DISC1: variants seen among roughly 807,000 people sequenced by gnomAD.
DISC1 encodes the protein disrupted in schizophrenia 1 protein.
Under a neutral mutation model 84.5 loss-of-function variants are expected in DISC1, and 57 were observed. The ratio of observed to expected loss-of-function variants is 0.67; its 90% CI spans 0.55 to 0.84. The LOEUF is 0.84. Among genes scored for constraint, DISC1 ranks in the 40% least tolerant of loss-of-function variants. The probability of loss-of-function intolerance (pLI) is 0.00; values close to 1 mark genes in which losing one functional copy is unlikely to be tolerated. For synonymous variants in DISC1, 411 were observed against 415.2 expected (o/e 0.99, Z 0.12); for missense variants, 1,000 against 1,057.8 (o/e 0.95, Z 0.76).
At chr1:231,684,604 G>A (rs897704861) in intron 1 of DISC1, 7 of 152,082 alleles carry the variant, frequency 4.6e-5, no homozygotes, top group African/African-American at 7.2e-5. Context: ...TCCCTGTTAA[G>A]ACTGGTTTAT....
chr1:231,878,818 G>T (rs2086074739), intron 9 of DISC1, among the ~76,000 whole-genome samples: 1 of 152,112 alleles, frequency 6.6e-6, no homozygotes, highest in Non-Finnish European at 1.5e-5. Context: ...ACCCTATCCT[G>T]ACTGGTAACA....
intron 1 of DISC1, among the ~76,000 whole-genome samples, chr1:231,674,147 T>C (rs929778027): frequency 1.1e-4 from 16 of 152,346 alleles, no homozygotes; most frequent in African/African-American, 3.8e-4. Flanking sequence ...ACATAAAATA[T>C]GTTAAGAGCT....
At chr1:231,819,204 CAAATG>C in intron 9 of DISC1, 2 of 848,036 alleles carry the variant, frequency 2.4e-6, no homozygotes, top group South Asian at 1.1e-4. Flanking sequence ...TTTACTAAAA[CAAATG>C]AAAGAAATAT....
chr1:231,866,926 T>C (rs2085105370), intron 9 of DISC1, among the ~76,000 whole-genome samples: 2 of 152,206 alleles, frequency 1.3e-5, no homozygotes, highest in African/African-American at 4.8e-5. Context: ...TGGGACAAAC[T>C]TCAAAAGAAA....
intron 11 of DISC1, among the ~76,000 whole-genome samples, chr1:232,018,118 TA>T (rs1668646156): frequency 6.6e-6 from 1 of 152,212 alleles, no homozygotes; most frequent in South Asian, 2.1e-4. Flanking sequence ...CAATTTAACT[TA>T]AACAGTTTCC....
intron 6 of DISC1, among the ~76,000 whole-genome samples, chr1:231,793,811 A>G (rs1404836843): frequency 1.3e-5 from 2 of 152,212 alleles, no homozygotes; most frequent in African/African-American, 4.8e-5. Flanking sequence ...ATATTTCTTT[A>G]AAAATATTTT....
intron 4 of DISC1, among the ~76,000 whole-genome samples, chr1:231,752,461 G>A (rs1214229709): frequency 6.6e-6 from 1 of 152,112 alleles, no homozygotes; most frequent in African/African-American, 2.4e-5. Flanking sequence ...CATGAGAATA[G>A]CACCAGAGGA....
At chr1:231,670,445 A>G (rs1000813424) in intron 1 of DISC1, among the ~76,000 whole-genome samples, 1 of 152,240 alleles carries the variant, frequency 6.6e-6, no homozygotes. Flanking sequence ...AAAGTCTGTG[A>G]GAGTGCCTTT....
At chr1:231,780,237 T>TAAAAA (rs11451092) in intron 6 of DISC1, among the ~76,000 whole-genome samples, 5 of 103,848 alleles carry the variant, frequency 4.8e-5, no homozygotes, top group Non-Finnish European at 8.9e-5. Flanking sequence ...TAAAGTATAA[T>TAAAAA]AAAAAAAAAA....
At chr1:231,799,517 C>T (rs556576302) in intron 7 of DISC1, among the ~76,000 whole-genome samples, 6 of 151,990 alleles carry the variant, frequency 3.9e-5, no homozygotes, top group East Asian at 3.9e-4. Flanking sequence ...GAACATCAAG[C>T]GGAGGGAGGG....
At chr1:231,760,902 A>G (rs2075601542) in intron 4 of DISC1, among the ~76,000 whole-genome samples, 1 of 152,190 alleles carries the variant, frequency 6.6e-6, no homozygotes, top group Non-Finnish European at 1.5e-5. Flanking sequence ...CCCCTTAACA[A>G]GCCGGCACAG....
At chr1:231,697,916 G>T (rs868741092) in intron 2 of DISC1, among the ~76,000 whole-genome samples, 1 of 151,630 alleles carries the variant, frequency 6.6e-6, no homozygotes. Context: ...TTACATTTTT[G>T]TGCTCTTTAT....
At chr1:232,000,044 A>C (rs565213912) in intron 10 of DISC1, among the ~76,000 whole-genome samples, 1 of 152,328 alleles carries the variant, frequency 6.6e-6, no homozygotes, top group East Asian at 1.9e-4. Flanking sequence ...AATGACCCAC[A>C]TGCCCAAGAT....
intron 1 of DISC1, among the ~76,000 whole-genome samples, chr1:231,677,932 G>A (rs907304973): frequency 6.6e-5 from 10 of 151,862 alleles, no homozygotes; most frequent in African/African-American, 1.5e-4. Flanking sequence ...AGCCAAGAGC[G>A]TGCCATTGCA....
intron 9 of DISC1, among the ~76,000 whole-genome samples, chr1:231,825,257 T>A (rs930806107): frequency 6.6e-6 from 1 of 152,174 alleles, no homozygotes; most frequent in African/African-American, 2.4e-5. Context: ...ACAATGATGT[T>A]TTCAATTATA....
chr1:231,811,612 A>G (rs1358228249), intron 8 of DISC1, among the ~76,000 whole-genome samples: 1 of 152,228 alleles, frequency 6.6e-6, no homozygotes, highest in Non-Finnish European at 1.5e-5. Context: ...TGAAATGTCC[A>G]TGAGTTCAGG....
At chr1:231,855,144 T>C (rs2084179143) in intron 9 of DISC1, 15 of 1,013,334 alleles carry the variant, frequency 1.5e-5, no homozygotes, top group South Asian at 3.8e-5. Flanking sequence ...GTTTTCAATG[T>C]TGATGCAGCG....
intron 9 of DISC1, among the ~76,000 whole-genome samples, chr1:231,934,894 G>T (rs922300904): frequency 6.6e-6 from 1 of 152,298 alleles, no homozygotes. Context: ...AGTTGATTTA[G>T]AGAGCGGTTT....
At chr1:231,702,082 C>T (rs2066495972) in intron 3 of DISC1, 58 bp downstream of exon 3, 2 of 1,572,600 alleles carry the variant, frequency 1.3e-6, no homozygotes, top group South Asian at 1.2e-5. Flanking sequence ...TTCTTTCCAT[C>T]TTTACTCATA....
Sources: gnomAD v4.1 joint callset for allele counts (sites outside exome capture counted in the v4.1 genomes callset) on GRCh38, gnomAD v4.1.1 for gene constraint, MANE v1.5 for transcripts, NCBI Gene and HGNC (gene_info 2026-07-23, HGNC 2026-07-21) for gene names.